KIRREL1: variants seen among roughly 807,000 people sequenced by gnomAD.
The protein encoded by KIRREL1 is kin of IRRE-like protein 1.
A neutral mutation model predicts 83.3 loss-of-function variants in KIRREL1; 25 were observed. The observed-to-expected ratio is 0.30, with a 90% confidence interval of 0.22 to 0.42. KIRREL1 has a LOEUF of 0.42. Ranked by LOEUF, KIRREL1 falls within the 10% of genes least tolerant of loss-of-function variation. The pLI is 1.00. For missense variants in KIRREL1, 812 were observed against 1,032.3 expected (o/e 0.79, Z 2.92); for synonymous variants, 388 against 410.4 (o/e 0.95, Z 0.66).
At chr1:158,011,192 CT>C (rs1557987471) in intron 1 of KIRREL1, among the ~76,000 whole-genome samples, 1 of 152,236 alleles carries the variant, frequency 6.6e-6, no homozygotes, top group Admixed American at 6.5e-5. Context: ...CTAACCCTCT[CT>C]TTTTATCTCA....
intron 1 of KIRREL1, among the ~76,000 whole-genome samples, chr1:158,034,357 T>A (rs1660418352): frequency 6.6e-6 from 1 of 152,160 alleles, no homozygotes. Context: ...TTCCCATAGA[T>A]TCCCCTTTCC....
At chr1:158,055,560 A>G (rs1463385616) in intron 1 of KIRREL1, among the ~76,000 whole-genome samples, 1 of 152,202 alleles carries the variant, frequency 6.6e-6, no homozygotes, top group African/African-American at 2.4e-5. Flanking sequence ...TCCAAGTGCC[A>G]TGTCAGGAAT....
rs970762630 is a variant in KIRREL1 at position 158,084,499 on chromosome 1, C to T, written c.430C>T (p.Arg144Trp). The change falls in exon 4 of 15, where the codon CGG becomes TGG. Residue 144 changes from arginine to tryptophan, a missense_variant. Physicochemically the swap from Arg to Trp is moderately radical, Grantham distance 101 (BLOSUM62 -3). Transcript: ENST00000359209. ...QAGTPHNLTC[R>W]AFNAKPAATI... is the part of the protein sequence containing the mutation. ...AGGCACCCCCCACAACCTCACATGC[C>T]GGGCCTTCAATGCGAAGCCTGCTGC... 43 of 1,551,660 alleles carry T rather than the reference C, an allele frequency of 2.8e-5. No homozygotes were observed. Among genetic ancestry groups the T allele is most frequent in the Non-Finnish European group, 3.4e-5 (39 of 1,147,016 alleles).
At chr1:158,022,720 A>G (rs767940625) in intron 1 of KIRREL1, among the ~76,000 whole-genome samples, 17 of 152,200 alleles carry the variant, frequency 1.1e-4, no homozygotes, top group African/African-American at 2.4e-5. Context: ...AACAGATTGC[A>G]TAATAACTTA....
chr1:158,011,159 C>T (rs369508819), intron 1 of KIRREL1, among the ~76,000 whole-genome samples: 10 of 152,186 alleles, frequency 6.6e-5, no homozygotes, highest in Non-Finnish European at 1.5e-4. Flanking sequence ...GATGGTTTAC[C>T]GCCTCCGGAG....
chr1:158,037,017 G>GC lies in KIRREL1; in HGVS notation c.53-39096_53-39095insC, dbSNP rs1169745363. 4.6e-5 allele frequency among the ~76,000 whole-genome samples: 7 copies of GC among 152,312 alleles called. No homozygotes were observed. The South Asian group carries it at 1.5e-3, about 32-fold the overall frequency. ...GGGACAGTCTCAGCTGGGCCCTTCAGGGCCTCCCGTGTCTCCTTTGGTTCT... is the reference window on the plus strand; with the variant it reads ...GGGACAGTCTCAGCTGGGCCCTTCAGCGGCCTCCCGTGTCTCCTTTGGTTCT... On this transcript the variant is annotated intron_variant, in intron 1 of 14. Coordinates refer to ENST00000359209, the MANE Select transcript of KIRREL1 (RefSeq NM_018240.7).
At chr1:158,075,649 G>A (rs1278808236) in intron 1 of KIRREL1, among the ~76,000 whole-genome samples, 3 of 152,308 alleles carry the variant, frequency 2.0e-5, no homozygotes, top group African/African-American at 7.2e-5. Context: ...CATGACACGC[G>A]TCTAAGTAGG....
At chr1:157,997,780 C>T (rs532646727) in intron 1 of KIRREL1, among the ~76,000 whole-genome samples, 1 of 152,286 alleles carries the variant, frequency 6.6e-6, no homozygotes, top group East Asian at 1.9e-4. Context: ...TTTATTGAGC[C>T]CTGTGTAACT....
chr1:158,032,775 T>C (rs1571552751), intron 1 of KIRREL1, among the ~76,000 whole-genome samples: 1 of 152,296 alleles, frequency 6.6e-6, no homozygotes, highest in East Asian at 1.9e-4. Flanking sequence ...TTTTTCTTTT[T>C]TCTTTTTCTT....
At chr1:158,061,795 G>C (rs1318931677) in intron 1 of KIRREL1, among the ~76,000 whole-genome samples, 1 of 152,158 alleles carries the variant, frequency 6.6e-6, no homozygotes, top group Non-Finnish European at 1.5e-5. Context: ...TTTGTAGGAT[G>C]GGAAAGGAAA....
rs1187344247 is a variant in KIRREL1, at chr1:158,071,870, G to T, written c.53-4243G>T. Among the ~76,000 whole-genome samples the T allele has an allele frequency of 3.3e-5, 5 of 152,052 alleles. No individual in the cohort carries two copies. In the East Asian group the frequency reaches 9.6e-4, roughly 29 times the overall value. On this transcript the variant is annotated intron_variant, in intron 1 of 14. Transcript: ENST00000359209. ...GGACACTTGCTAGGCCACTTGTCCT[G>T]GGTTTTTAGTGGCTTCTTGACACTC...
chr1:158,005,223 G>A lies in KIRREL1; in HGVS notation c.52+11495G>A, dbSNP rs148686314. On this transcript the variant is annotated intron_variant, in intron 1 of 14. Coordinates refer to ENST00000359209, the MANE Select transcript of KIRREL1 (RefSeq NM_018240.7). ...TTCAACGTTCTAATGAGAATCAAAA[G>A]AAAATAGAATTCATTTAACTGAATT... Among the ~76,000 whole-genome samples the A allele has an allele frequency of 5.3e-3, 810 of 152,266 alleles. 6 individuals carry two copies. Among genetic ancestry groups the A allele is most frequent in the African/African-American group, 0.018 (763 of 41,544 alleles).
chr1:158,020,870 A>C (rs1659988578), intron 1 of KIRREL1, among the ~76,000 whole-genome samples: 1 of 152,320 alleles, frequency 6.6e-6, no homozygotes, highest in East Asian at 1.9e-4. Context: ...TATCCACTCC[A>C]CTGCTCTTCC....
intron 1 of KIRREL1, among the ~76,000 whole-genome samples, chr1:158,006,371 T>G (rs879674110): frequency 3.3e-5 from 5 of 152,186 alleles, no homozygotes; most frequent in Admixed American, 6.5e-5. Context: ...ATTGTCTGAT[T>G]GGGTATTGTA....
chr1:158,064,827 A>G (rs1661317074), intron 1 of KIRREL1, among the ~76,000 whole-genome samples: 1 of 151,918 alleles, frequency 6.6e-6, no homozygotes, highest in Non-Finnish European at 1.5e-5. Flanking sequence ...TCAGAGCCCC[A>G]TACCTTCCCG....
chr1:158,067,311 C>T (rs1448617086), intron 1 of KIRREL1, among the ~76,000 whole-genome samples: 4 of 152,184 alleles, frequency 2.6e-5, no homozygotes, highest in Non-Finnish European at 4.4e-5. Context: ...CCTCTCTTCT[C>T]CTATGCCGGA....
In KIRREL1 at chr1:158,092,181, T is replaced by C. The variant is rs541907953; in HGVS notation, c.1471+625T>C. ...AAAGTGTTCTCTCCTTTAAGGCACTTCTCACATGATAAAAGAGGTATTCCT... is the reference window on the plus strand; with the variant it reads ...AAAGTGTTCTCTCCTTTAAGGCACTCCTCACATGATAAAAGAGGTATTCCT... On this transcript the variant is annotated intron_variant, in intron 11 of 14. Transcript: ENST00000359209. 2.6e-5 allele frequency among the ~76,000 whole-genome samples: 4 copies of C among 152,292 alleles called. No individual in the cohort carries two copies. In the East Asian group the frequency reaches 7.7e-4, roughly 29 times the overall value.
intron 1 of KIRREL1, among the ~76,000 whole-genome samples, chr1:158,008,859 G>T (rs55871446): frequency 6.6e-6 from 1 of 152,058 alleles, no homozygotes; most frequent in Non-Finnish European, 1.5e-5. Context: ...GGTCATGTTC[G>T]TACCACCCAA....
Position 158,088,342 on chromosome 1 carries a change from T to C in KIRREL1, c.932T>C (p.Val311Ala). ...LVNVHFAPRI[V>A]VDPKPTTTDI... ...TCCCTCACAGTTGCTCCCCGGATTG[T>C]AGTTGACCCCAAACCCACAACCACA... Residue 311 changes from valine to alanine, a missense_variant, in exon 8 of 15, where the codon GTA becomes GCA. Physicochemically the swap from Val to Ala is moderately conservative, Grantham distance 64. Around this residue, in one of 3 missense-constraint regions of KIRREL1, gnomAD observed 472 missense variants for 626.8 expected, o/e 0.75. Coordinates refer to ENST00000359209, the MANE Select transcript of KIRREL1 (RefSeq NM_018240.7). 6.2e-7 allele frequency: 1 copy of C among 1,613,410 alleles called. No homozygotes were observed. The highest frequency in any genetic ancestry group is 1.3e-5 in the African/African-American group (1 of 74,972).
Sources: allele counts gnomAD v4.1 joint callset (sites outside exome capture counted in the v4.1 genomes callset), GRCh38; gene constraint gnomAD v4.1.1; regional missense constraint gnomAD v4.1.1; transcripts MANE v1.5; gene names NCBI Gene and HGNC (gene_info 2026-07-23, HGNC 2026-07-21).